The following CFAP221 variants were observed in gnomAD, a reference collection of about 807,000 sequenced individuals.
CFAP221 encodes cilia and flagella associated protein 221, also known as cilia- and flagella-associated protein 221.
Under a neutral mutation model 113.1 loss-of-function variants are expected in CFAP221, and 97 were observed. That is an observed-to-expected ratio of 0.86 (90% CI 0.73 to 1.02). The LOEUF (loss-of-function observed/expected upper bound fraction) is 1.02, where lower values mean the gene tolerates loss of function less well. Ranked by LOEUF, CFAP221 falls within the 50% of genes least tolerant of loss-of-function variation. The pLI is 0.00. For missense variants in CFAP221, 1,025 were observed against 1,013.4 expected (o/e 1.01, Z -0.16); for synonymous variants, 331 against 354.4 (o/e 0.93, Z 0.74).
At chr2:119,551,648 T>C (rs1189705761) in intron 3 of CFAP221, among the ~76,000 whole-genome samples, 1 of 152,224 alleles carries the variant, frequency 6.6e-6, no homozygotes, top group East Asian at 1.9e-4. Flanking sequence ...CACCCTTAAT[T>C]ACTGTAGCTT....
At chr2:119,568,893 G>T (rs1681839115) in intron 6 of CFAP221, among the ~76,000 whole-genome samples, 7 of 152,086 alleles carry the variant, frequency 4.6e-5, no homozygotes, top group Admixed American at 3.3e-4. Flanking sequence ...AGGTCCACTG[G>T]CAACAAATTC....
rs768442566 is a variant in CFAP221 at position 119,656,383 on chromosome 2, A to T, written c.2436A>T (p.Gln812His). The part of the protein sequence containing the change: ...RKEKEVKDQA[Q>H]PAEKAGEKLL... ...TCAGAGAAGTGAAAGATCAAGCACA[A>T]CCAGCAGAGAAGGCCGGAGAGAAGC... Residue 812 changes from glutamine (Q) to histidine (H), a missense_variant, in exon 24 of 24, where the codon CAA becomes CAT. Transcript: ENST00000413369. The T allele has an allele frequency of 6.2e-7, 1 of 1,614,074 alleles. No homozygotes were observed. Among genetic ancestry groups the T allele is most frequent in the South Asian group, 1.1e-5 (1 of 91,082 alleles).
At chr2:119,560,094 T>C in intron 5 of CFAP221, 68 bp downstream of exon 5, 2 of 1,210,178 alleles carry the variant, frequency 1.7e-6, no homozygotes, top group Non-Finnish European at 2.3e-6. Flanking sequence ...ACATTCTCAA[T>C]GGTGGCAGAA....
At chr2:119,550,894 A>G (rs1680371457) in intron 3 of CFAP221, among the ~76,000 whole-genome samples, 1 of 151,970 alleles carries the variant, frequency 6.6e-6, no homozygotes, top group Non-Finnish European at 1.5e-5. Flanking sequence ...ACTTTCAGTC[A>G]CTCCTTATCC....
At chr2:119,649,310 G>A (rs1214798902) in intron 22 of CFAP221, among the ~76,000 whole-genome samples, 2 of 152,158 alleles carry the variant, frequency 1.3e-5, no homozygotes, top group Non-Finnish European at 2.9e-5. Context: ...ATCCAGATAA[G>A]CCCATTATGA....
At chr2:119,591,089 G>A (rs1174221840) in intron 7 of CFAP221, among the ~76,000 whole-genome samples, 1 of 152,176 alleles carries the variant, frequency 6.6e-6, no homozygotes, top group Admixed American at 6.5e-5. Context: ...ATGGAAATTA[G>A]TGAGATAACC....
intron 22 of CFAP221, among the ~76,000 whole-genome samples, chr2:119,650,838 G>T (rs181822349): frequency 1.3e-5 from 2 of 152,244 alleles, no homozygotes; most frequent in East Asian, 1.9e-4. Context: ...AGATTTCAAG[G>T]GTATTTTTCT....
chr2:119,568,215 A>G (rs1026043149), intron 6 of CFAP221, among the ~76,000 whole-genome samples: 4 of 152,234 alleles, frequency 2.6e-5, no homozygotes, highest in Admixed American at 2.6e-4. Context: ...AATTGAAGTC[A>G]TTGTTGCTAT....
chr2:119,651,389 A>G (rs1465403693), intron 22 of CFAP221, among the ~76,000 whole-genome samples: 1 of 152,208 alleles, frequency 6.6e-6, no homozygotes, highest in African/African-American at 2.4e-5. Flanking sequence ...AGCAAGAAAA[A>G]AAAAAGTTGT....
rs1406095821 is a variant in CFAP221 at position 119,609,403 on chromosome 2, G to T, written c.1221+814G>T. On this transcript the variant is annotated intron_variant, in intron 12 of 23. Coordinates refer to ENST00000413369, the MANE Select transcript of CFAP221 (RefSeq NM_001271049.2). Reference sequence around the variant, plus strand: ...AACAGCAGAAATTTATTTTCTCATAGTTCTGGAGGCTGGAAGTCCAAAATC... The same window carrying T: ...AACAGCAGAAATTTATTTTCTCATATTTCTGGAGGCTGGAAGTCCAAAATC... 2.0e-5 allele frequency among the ~76,000 whole-genome samples: 3 copies of T among 152,208 alleles called. No homozygotes were observed. The East Asian group carries it at 5.8e-4, about 29-fold the overall frequency.
intron 2 of CFAP221, among the ~76,000 whole-genome samples, chr2:119,547,177 T>C (rs1056947143): frequency 6.6e-6 from 1 of 152,252 alleles, no homozygotes; most frequent in African/African-American, 2.4e-5. Context: ...TGAAAATTGA[T>C]ATACTTGACC....
chr2:119,585,984 A>G (rs1683195381), intron 6 of CFAP221, among the ~76,000 whole-genome samples: 3 of 152,208 alleles, frequency 2.0e-5, no homozygotes, highest in Admixed American at 2.0e-4. Context: ...CTCAAACCAG[A>G]TTACAACTGT....
At chr2:119,592,223 T>C (rs897600899) in intron 7 of CFAP221, among the ~76,000 whole-genome samples, 5 of 152,222 alleles carry the variant, frequency 3.3e-5, no homozygotes, top group Non-Finnish European at 7.3e-5. Context: ...GTAAAAATGA[T>C]GTTACTTGAT....
In CFAP221 at chr2:119,630,756, C is replaced by T. The variant is rs1180785306; in HGVS notation, c.1840-11C>T. ...CATCAAAACTAACGTGCTGTCCTTG[C>T]TCCTTGTTAGGATGAAGTCACCACC... On this transcript the variant is annotated splice_polypyrimidine_tract_variant and intron_variant, in intron 18 of 23. Coordinates refer to ENST00000413369, the MANE Select transcript of CFAP221 (RefSeq NM_001271049.2). 6.2e-7 allele frequency: 1 copy of T among 1,609,616 alleles called. No individual in the cohort carries two copies. Among genetic ancestry groups the T allele is most frequent in the Non-Finnish European group, 8.5e-7 (1 of 1,176,202 alleles).
chr2:119,611,637 A>G lies in CFAP221; in HGVS notation c.1222-16A>G, dbSNP rs201919935. 43 of 1,588,666 alleles carry G rather than the reference A, an allele frequency of 2.7e-5. No individual in the cohort carries two copies. In the East Asian group the frequency reaches 8.9e-4, roughly 33 times the overall value. ...TTTATATTCAACTTAAATTATTTTG[A>G]TGATTAAAAACCCAGCTAGACAGAG... On this transcript the variant is annotated splice_polypyrimidine_tract_variant and intron_variant, in intron 12 of 23. Coordinates refer to ENST00000413369, the MANE Select transcript of CFAP221 (RefSeq NM_001271049.2).
chr2:119,631,793 G>T (rs547020359), intron 19 of CFAP221, among the ~76,000 whole-genome samples: 2 of 152,052 alleles, frequency 1.3e-5, no homozygotes, highest in Non-Finnish European at 2.9e-5. Flanking sequence ...AAGGCAAAAG[G>T]CACAAATTAC....
At chr2:119,649,139 CGAAT>C (rs1301240704) in intron 22 of CFAP221, among the ~76,000 whole-genome samples, 1 of 152,146 alleles carries the variant, frequency 6.6e-6, no homozygotes, top group African/African-American at 2.4e-5. Context: ...TCTCACTTCA[CGAAT>C]GAAGCTCTCA....
At chr2:119,614,576 C>T (rs1261371239) in intron 13 of CFAP221, among the ~76,000 whole-genome samples, 2 of 152,136 alleles carry the variant, frequency 1.3e-5, no homozygotes, top group Non-Finnish European at 2.9e-5. Context: ...AAGCCCCTTA[C>T]AAAAACCATC....
chr2:119,638,889 A>T (rs1367895454), intron 20 of CFAP221, among the ~76,000 whole-genome samples: 1 of 152,052 alleles, frequency 6.6e-6, no homozygotes, highest in African/African-American at 2.4e-5. Context: ...GATTATCCTC[A>T]GGCCCTTCAA....
Sources: allele counts gnomAD v4.1 joint callset (sites outside exome capture counted in the v4.1 genomes callset), GRCh38; gene constraint gnomAD v4.1.1; transcripts MANE v1.5; gene names NCBI Gene and HGNC (gene_info 2026-07-23, HGNC 2026-07-21).